LYRM4: variants seen among roughly 807,000 people sequenced by gnomAD.
LYRM4 encodes the protein LYR motif containing 4, also known as LYR motif-containing protein 4.
Under a neutral mutation model 11.7 loss-of-function variants are expected in LYRM4, and 9 were observed. The ratio of observed to expected loss-of-function variants is 0.77; its 90% CI spans 0.46 to 1.34. The LOEUF is 1.34. Among genes scored for constraint, LYRM4 ranks in the 40% most tolerant of loss-of-function variants. The pLI is 0.00. For synonymous variants in LYRM4, 42 were observed against 40.4 expected, an observed-to-expected ratio of 1.04 and a Z score of -0.15; for missense variants, 133 against 112.5, an observed-to-expected ratio of 1.18 and a Z score of -0.82.
the LYRM4 span, among the ~76,000 whole-genome samples, chr6:5,055,168 C>G: frequency 6.6e-6 from 1 of 152,192 alleles, no homozygotes; most frequent in East Asian, 1.9e-4. The surrounding 1 kb of genome is among the most constrained non-coding windows in gnomAD (Gnocchi z 4.5). Flanking sequence ...GACCCTGCTT[C>G]GAGAAGTCCT....
chr6:5,035,968 C>G, the LYRM4 span, among the ~76,000 whole-genome samples: 1 of 150,242 alleles, frequency 6.7e-6, no homozygotes, highest in Non-Finnish European at 1.5e-5. Flanking sequence ...AGCACAGAGC[C>G]TGGCCCAAAG....
chr6:5,160,925 T>A (rs1468078729), intron 2 of LYRM4, among the ~76,000 whole-genome samples: 1 of 152,150 alleles, frequency 6.6e-6, no homozygotes, highest in Non-Finnish European at 1.5e-5. Flanking sequence ...GGCATTCCAT[T>A]TTCTGTACCC....
the LYRM4 span, among the ~76,000 whole-genome samples, chr6:5,060,314 A>T: frequency 6.6e-6 from 1 of 151,794 alleles, no homozygotes; most frequent in African/African-American, 2.4e-5. Flanking sequence ...TGTCTTTTGG[A>T]TTTGTTTGTT....
At chr6:5,059,113 G>A in the LYRM4 span, among the ~76,000 whole-genome samples, 57 of 152,162 alleles carry the variant, frequency 3.7e-4, 1 homozygote, top group South Asian at 8.3e-4. Context: ...GGCTGAGGCC[G>A]GAGGATCCCT....
chr6:5,086,846 A>G, the LYRM4 span: 10 of 461,718 alleles, frequency 2.2e-5, no homozygotes, highest in Non-Finnish European at 3.8e-5. Flanking sequence ...GCGTCAGAAT[A>G]GGAAGAAACT....
chr6:5,255,303 T>G (rs931978796), intron 1 of LYRM4, among the ~76,000 whole-genome samples: 6 of 152,308 alleles, frequency 3.9e-5, no homozygotes, highest in Non-Finnish European at 8.8e-5. Flanking sequence ...CTAAGTGATA[T>G]GTGATATAGC....
At chr6:5,052,351 T>A in the LYRM4 span, among the ~76,000 whole-genome samples, 1 of 152,250 alleles carries the variant, frequency 6.6e-6, no homozygotes, top group Non-Finnish European at 1.5e-5. Flanking sequence ...TGTCATTTTG[T>A]GATATCAATA....
chr6:5,216,543 G>T (rs374379100), intron 2 of LYRM4, 75 bp downstream of exon 2: 3 of 1,560,346 alleles, frequency 1.9e-6, no homozygotes, highest in Admixed American at 1.7e-5. Flanking sequence ...CCAAAAGCAC[G>T]GCTGTCTAAT....
intron 2 of LYRM4, among the ~76,000 whole-genome samples, chr6:5,173,855 T>TA (rs1448561912): frequency 6.6e-6 from 1 of 152,210 alleles, no homozygotes; most frequent in East Asian, 1.9e-4. Context: ...AGGTTAGACA[T>TA]AGAGTTGCTT....
the LYRM4 span, among the ~76,000 whole-genome samples, chr6:5,064,791 T>C: frequency 2.6e-5 from 4 of 152,196 alleles, no homozygotes; most frequent in East Asian, 7.7e-4. Flanking sequence ...AGTGTAGTGA[T>C]CAAATCAGGG....
At chr6:5,204,101 C>T (rs1761551099) in intron 2 of LYRM4, among the ~76,000 whole-genome samples, 1 of 152,138 alleles carries the variant, frequency 6.6e-6, no homozygotes, top group South Asian at 2.1e-4. Flanking sequence ...AAGTCATTTG[C>T]CTAAACTCAT....
At chr6:5,048,504 A>G in the LYRM4 span, among the ~76,000 whole-genome samples, 1 of 152,200 alleles carries the variant, frequency 6.6e-6, no homozygotes, top group Non-Finnish European at 1.5e-5. Flanking sequence ...TTGTAGAAAC[A>G]GGGTTGGTTG....
chr6:5,120,285 G>T (rs1763374473), intron 2 of LYRM4, among the ~76,000 whole-genome samples: 1 of 152,186 alleles, frequency 6.6e-6, no homozygotes, highest in Admixed American at 6.5e-5. Context: ...TGTTCCCTCT[G>T]CAGGAATGAG....
chr6:5,162,521 G>GAGAAAGAGAGAGAC (rs1554133079), intron 2 of LYRM4, among the ~76,000 whole-genome samples: 1 of 149,274 alleles, frequency 6.7e-6, no homozygotes, highest in African/African-American at 2.5e-5. Flanking sequence ...GAGAGAGAGA[G>GAGAAAGAGAGAGAC]AAAGAGAAAG....
downstream of LYRM4, among the ~76,000 whole-genome samples, chr6:5,098,979 A>G (rs1762419151): frequency 6.6e-6 from 1 of 151,954 alleles, no homozygotes; most frequent in Non-Finnish European, 1.5e-5. Flanking sequence ...CCCTCCACCA[A>G]CACCCCCAGT....
the LYRM4 span, among the ~76,000 whole-genome samples, chr6:5,057,541 A>C: frequency 6.6e-6 from 1 of 151,644 alleles, no homozygotes; most frequent in Non-Finnish European, 1.5e-5. Context: ...AGATGGTGAA[A>C]CCCCCATCTC....
At chr6:5,118,564 C>T (rs1220168100) in intron 2 of LYRM4, among the ~76,000 whole-genome samples, 1 of 152,164 alleles carries the variant, frequency 6.6e-6, no homozygotes, top group South Asian at 2.1e-4. Context: ...CCTTTCACGC[C>T]GCCTGCAATT....
intron 1 of LYRM4, among the ~76,000 whole-genome samples, chr6:5,234,282 GA>G: frequency 6.6e-6 from 1 of 152,144 alleles, no homozygotes; most frequent in East Asian, 1.9e-4. Context: ...ACAAAACAAG[GA>G]ACTTCTGTGA....
At chr6:5,182,259 A>G (rs1760120149) in intron 2 of LYRM4, among the ~76,000 whole-genome samples, 1 of 152,222 alleles carries the variant, frequency 6.6e-6, no homozygotes, top group South Asian at 2.1e-4. Context: ...GATTTGAATT[A>G]AACCAATGAT....
Sources: gnomAD v4.1 joint callset for allele counts (sites outside exome capture counted in the v4.1 genomes callset) on GRCh38, gnomAD v4.1.1 for gene constraint, Gnocchi (gnomAD v3.1) non-coding constraint, MANE v1.5 for transcripts, NCBI Gene and HGNC (gene_info 2026-07-23, HGNC 2026-07-21) for gene names.